TSHR: variants seen among roughly 807,000 people sequenced by gnomAD.
TSHR encodes thyroid stimulating hormone receptor.
Under a neutral mutation model 64.1 loss-of-function variants are expected in TSHR, and 51 were observed. The ratio of observed to expected loss-of-function variants is 0.80; its 90% CI spans 0.64 to 1.01. The LOEUF (loss-of-function observed/expected upper bound fraction) is 1.01, where lower values mean the gene tolerates loss of function less well. Ranked by LOEUF, TSHR falls within the 50% of genes least tolerant of loss-of-function variation. The pLI, the probability that TSHR is intolerant of heterozygous loss-of-function variation, is 0.00. For missense variants in TSHR, 877 were observed against 942.8 expected, an observed-to-expected ratio of 0.93 and a Z score of 0.91; for synonymous variants, 361 against 361.9, an observed-to-expected ratio of 1.00 and a Z score of 0.03.
intron 3 of TSHR, among the ~76,000 whole-genome samples, chr14:81,085,364 T>A (rs1242363991): frequency 1.3e-5 from 2 of 152,244 alleles, no homozygotes; most frequent in Non-Finnish European, 2.9e-5. Flanking sequence ...AAGTCACTTG[T>A]GAGCAAGTGG....
chr14:81,003,113 A>C (rs1386554877), intron 1 of TSHR, among the ~76,000 whole-genome samples: 1 of 151,728 alleles, frequency 6.6e-6, no homozygotes, highest in Non-Finnish European at 1.5e-5. Flanking sequence ...AGTTTAAAAG[A>C]CTGCTGTTTA....
chr14:80,992,631 T>C (rs923282999), intron 1 of TSHR: 2 of 152,136 alleles, frequency 1.3e-5, no homozygotes, highest in Non-Finnish European at 2.9e-5. Context: ...TAATGAGTGC[T>C]TAACAAATGC....
intron 7 of TSHR, chr14:81,104,548 G>C: frequency 1.0e-6 from 1 of 985,422 alleles, no homozygotes; most frequent in Non-Finnish European, 1.2e-6. Flanking sequence ...CTTTCTAGGA[G>C]TCACCCAACA....
At chr14:81,122,764 G>A (rs1328707471) in intron 8 of TSHR, among the ~76,000 whole-genome samples, 1 of 152,128 alleles carries the variant, frequency 6.6e-6, no homozygotes, top group African/African-American at 2.4e-5. Flanking sequence ...TGCAGGGAAG[G>A]GCTGCCTCTT....
chr14:81,087,552 C>G (rs1824459387), intron 3 of TSHR: 1 of 264,082 alleles, frequency 3.8e-6, no homozygotes, highest in African/African-American at 2.3e-5. Context: ...CCCTCATCCT[C>G]CCACTCCAAC....
intron 8 of TSHR, among the ~76,000 whole-genome samples, chr14:81,120,215 A>T (rs1297054595): frequency 1.3e-5 from 2 of 152,188 alleles, no homozygotes; most frequent in African/African-American, 4.8e-5. Context: ...AGAATCACTG[A>T]TAGTCTCCCA....
intron 5 of TSHR, 49 bp from the exon 6 acceptor site, chr14:81,092,482 A>AGAAGGAAAGCATTTTTTCAT: frequency 6.4e-7 from 1 of 1,550,612 alleles, no homozygotes; most frequent in Admixed American, 1.7e-5. Context: ...CCCCTGCTGC[A>AGAAGGAAAGCATTTTTTCAT]GAAGGAAAGC....
rs112633194 is a variant in TSHR at position 81,014,678 on chromosome 14, A to G, written c.171-47470A>G. On this transcript the variant is annotated intron_variant, in intron 1 of 9. Coordinates refer to ENST00000298171, the MANE Select transcript of TSHR (RefSeq NM_000369.5). ...ATGGCAACCAAACCAAGGCTAACAG[A>G]CTTTGTCCTAGAATTCCCACACCAA... is the stretch of plus-strand genomic sequence containing the variant. 4.7e-3 allele frequency among the ~76,000 whole-genome samples: 717 copies of G among 152,272 alleles called. 6 individuals are homozygous for G. Among genetic ancestry groups the G allele is most frequent in the African/African-American group, 0.015 (611 of 41,544 alleles).
intron 7 of TSHR, among the ~76,000 whole-genome samples, chr14:81,097,718 C>T (rs907151220): frequency 5.3e-5 from 8 of 152,080 alleles, no homozygotes; most frequent in Non-Finnish European, 1.0e-4. Context: ...GGAACAATTC[C>T]ATTTTTAAAT....
In TSHR at chr14:81,062,235, A is replaced by G; in HGVS notation, c.242+16A>G. On this transcript the variant is annotated intron_variant, in intron 2 of 9. Coordinates refer to ENST00000298171, the MANE Select transcript of TSHR (RefSeq NM_000369.5). Reference sequence around the variant, plus strand: ...TTTCCAGAATGTAAGTTTTTTTAATATAAAGAAAAGTTTGCATTTGTGATA... The same window carrying G: ...TTTCCAGAATGTAAGTTTTTTTAATGTAAAGAAAAGTTTGCATTTGTGATA... 6.3e-7 allele frequency: 1 copy of G among 1,593,956 alleles called. No homozygotes were observed. Among genetic ancestry groups the G allele is most frequent in the Non-Finnish European group, 8.6e-7 (1 of 1,163,964 alleles).
At chr14:80,995,849 A>T (rs79796262) in intron 1 of TSHR, among the ~76,000 whole-genome samples, 1 of 151,902 alleles carries the variant, frequency 6.6e-6, no homozygotes, top group Non-Finnish European at 1.5e-5. Context: ...AAAAAAAAAA[A>T]AGAATAAAGG....
rs28516678 is a variant in TSHR at position 81,108,500 on chromosome 14, T to A, written c.692+48T>A. The A allele has an allele frequency of 0.03, 30,069 of 1,014,058 alleles. 498 individuals carry two copies. The highest frequency in any genetic ancestry group is 0.035 in the Non-Finnish European group (25,674 of 731,524). The allele number at this position is 1,014,058 out of a possible 1,614,324, so 62.8% of individuals were successfully genotyped here. A position where few individuals can be genotyped will look rare whatever the true frequency, so the allele number is the denominator to read the frequency against. ...TATTTTAGTCTTTTTTTTTCTTTTT[T>A]TTTTTTTGGAATAAATGGAGACATT... On this transcript the variant is annotated intron_variant, in intron 8 of 9. Transcript: ENST00000298171.
At chr14:80,965,817 C>CTTTAATTACAAAATT (rs1887271869) in intron 1 of TSHR, among the ~76,000 whole-genome samples, 1 of 152,108 alleles carries the variant, frequency 6.6e-6, no homozygotes, top group Non-Finnish European at 1.5e-5. Flanking sequence ...ACAAAGTTGG[C>CTTTAATTACAAAATT]ACTTGTGATT....
At chr14:81,127,771 TCCA>T in intron 8 of TSHR, among the ~76,000 whole-genome samples, 1 of 152,300 alleles carries the variant, frequency 6.6e-6, no homozygotes, top group East Asian at 1.9e-4. Context: ...CCTTTTGCCG[TCCA>T]CCATGATTGT....
chr14:80,984,130 G>A (rs949645719), intron 1 of TSHR, among the ~76,000 whole-genome samples: 1 of 152,142 alleles, frequency 6.6e-6, no homozygotes, highest in African/African-American at 2.4e-5. Flanking sequence ...CTACATAAAG[G>A]AGGCAGGGGT....
At chr14:81,096,999 GA>G (rs572116137) in intron 7 of TSHR, among the ~76,000 whole-genome samples, 4 of 151,678 alleles carry the variant, frequency 2.6e-5, no homozygotes, top group Middle Eastern at 3.4e-3. Context: ...TATCTTTAAT[GA>G]AGCCCAAAGC....
chr14:80,968,733 G>A (rs1188846814), intron 1 of TSHR, among the ~76,000 whole-genome samples: 3 of 152,154 alleles, frequency 2.0e-5, no homozygotes, highest in Non-Finnish European at 4.4e-5. Context: ...ACCAAGAGAT[G>A]CCCCAGTGAA....
rs767151716 is a variant in TSHR, at chr14:81,143,078, G to C, written c.1020G>C (p.Lys340Asn). ...LGDSIVGYKE[K>N]SKFQDTHNNA... is the part of the protein sequence containing the mutation. ...ACAGCATTGTTGGGTACAAGGAAAAGTCCAAGTTCCAGGATACTCATAACA... is the reference window on the plus strand; with the variant it reads ...ACAGCATTGTTGGGTACAAGGAAAACTCCAAGTTCCAGGATACTCATAACA... The change falls in exon 10 of 10, where the codon AAG (lysine) becomes AAC (asparagine). Residue 340 changes from lysine to asparagine, a missense_variant. Lys to Asn is a moderately conservative substitution (Grantham distance 94, BLOSUM62 0). Transcript: ENST00000298171. 11 of 1,614,168 alleles carry C rather than the reference G, an allele frequency of 6.8e-6. No homozygotes were observed. The Admixed American group carries it at 1.3e-4, about 20-fold the overall frequency.
chr14:80,977,891 C>T (rs542874992), intron 1 of TSHR, among the ~76,000 whole-genome samples: 1 of 152,016 alleles, frequency 6.6e-6, no homozygotes, highest in South Asian at 2.1e-4. Context: ...TGAGTTTAGT[C>T]TTCAGCTCTT....
Sources: gnomAD v4.1 joint callset for allele counts (sites outside exome capture counted in the v4.1 genomes callset) on GRCh38, gnomAD v4.1.1 for gene constraint, MANE v1.5 for transcripts, NCBI Gene and HGNC (gene_info 2026-07-23, HGNC 2026-07-21) for gene names.